The following WSCD2 variants were observed in gnomAD, a reference collection of about 807,000 sequenced individuals.
WSCD2 encodes the protein WSC domain sialate O sulfotransferase 2.
In WSCD2, 28 loss-of-function variants were observed where a neutral mutation model predicts 55.7. That is an observed-to-expected ratio of 0.50 (90% CI 0.37 to 0.69). The LOEUF (loss-of-function observed/expected upper bound fraction) is 0.69, where lower values mean the gene tolerates loss of function less well. Among genes scored for constraint, WSCD2 ranks in the 30% least tolerant of loss-of-function variants. The pLI, the probability that WSCD2 is intolerant of heterozygous loss-of-function variation, is 0.00. For synonymous variants in WSCD2, 301 were observed against 301.9 expected, an observed-to-expected ratio of 1.00 and a Z score of 0.03; for missense variants, 616 against 762.1, an observed-to-expected ratio of 0.81 and a Z score of 2.26.
intron 4 of WSCD2, among the ~76,000 whole-genome samples, chr12:108,223,015 T>G (rs1887700603): frequency 6.6e-6 from 1 of 152,244 alleles, no homozygotes. Flanking sequence ...GACTGGAAAC[T>G]CAGGCAGCAG....
chr12:108,232,918 A>C, intron 7 of WSCD2, 23 bp downstream of exon 7: 1 of 1,602,778 alleles, frequency 6.2e-7, no homozygotes. Flanking sequence ...CAGGGAGGGC[A>C]GGGCAAGAGG....
rs374154602 is a variant in WSCD2 at position 108,202,650 on chromosome 12, G to A, written c.383-3639G>A. On this transcript the variant is annotated intron_variant, in intron 2 of 8. Coordinates refer to ENST00000547525, the MANE Select transcript of WSCD2 (RefSeq NM_014653.4). ...TCTCACTTATAAGTGGGAGCTGAGT[G>A]ATGAGAACACATGGACACAAAGAGG... Among the ~76,000 whole-genome samples, 4 of 152,358 alleles carry A rather than the reference G, an allele frequency of 2.6e-5. No homozygotes were observed. In the South Asian group the frequency reaches 8.3e-4, roughly 32 times the overall value.
intron 4 of WSCD2, among the ~76,000 whole-genome samples, chr12:108,221,237 A>AT (rs1887481657): frequency 6.6e-6 from 1 of 152,060 alleles, no homozygotes; most frequent in South Asian, 2.1e-4. Context: ...TTCCCGCCTC[A>AT]TTGCCATAAA....
chr12:108,163,200 T>A (rs1468706181), intron 1 of WSCD2, among the ~76,000 whole-genome samples: 61 of 152,018 alleles, frequency 4.0e-4, no homozygotes, highest in Non-Finnish European at 6.3e-4. Context: ...AAATCCCGTC[T>A]CTACTAAAAA....
intron 1 of WSCD2, among the ~76,000 whole-genome samples, chr12:108,139,736 C>T (rs1876590180): frequency 6.6e-6 from 1 of 152,184 alleles, no homozygotes; most frequent in Non-Finnish European, 1.5e-5. Flanking sequence ...AGTAAATGCT[C>T]AGAACAATAT....
intron 2 of WSCD2, 52 bp downstream of exon 2, chr12:108,196,266 T>G: frequency 2.0e-6 from 3 of 1,524,214 alleles, no homozygotes; most frequent in Non-Finnish European, 2.6e-6. Flanking sequence ...AGGGAGGAGA[T>G]ACTAACAATG....
chr12:108,178,254 A>G (rs1187379954), intron 1 of WSCD2, among the ~76,000 whole-genome samples: 1 of 152,074 alleles, frequency 6.6e-6, no homozygotes, highest in East Asian at 1.9e-4. Context: ...CTCTGGATGT[A>G]TCTGTCCTGA....
At chr12:108,138,760 G>T (rs926362319) in intron 1 of WSCD2, among the ~76,000 whole-genome samples, 1 of 152,220 alleles carries the variant, frequency 6.6e-6, no homozygotes, top group African/African-American at 2.4e-5. Context: ...CCTCTGCCAT[G>T]AATGTTATTT....
chr12:108,163,605 G>A lies in WSCD2; in HGVS notation c.-551-31677G>A, dbSNP rs79919054. Among the ~76,000 whole-genome samples, 814 of 152,210 alleles carry A rather than the reference G, an allele frequency of 5.3e-3. 7 individuals carry two copies. Among genetic ancestry groups the A allele is most frequent in the African/African-American group, 0.019 (783 of 41,524 alleles). On this transcript the variant is annotated intron_variant, in intron 1 of 8. Transcript: ENST00000547525. ...TTCTCCAAGTGGTCCCACTGTCATC[G>A]CAAGGATCTTCATAAGAGGGAGGCA...
intron 2 of WSCD2, among the ~76,000 whole-genome samples, chr12:108,206,000 G>A (rs760418151): frequency 2.6e-5 from 4 of 152,168 alleles, no homozygotes; most frequent in Non-Finnish European, 5.9e-5. Flanking sequence ...TGGTGCTTAG[G>A]GAGTGGCCTT....
Position 108,227,104 on chromosome 12 carries a change from G to A in WSCD2, c.919G>A (p.Glu307Lys). The A allele has an allele frequency of 1.1e-5, 18 of 1,614,216 alleles. No individual in the cohort carries two copies. The highest frequency in any genetic ancestry group is 1.5e-5 in the Non-Finnish European group (18 of 1,180,030). Reference sequence around the variant, plus strand: ...GCTCTGTGCCCAGAAGTGCAGCGCGGAGGAGTTTGAGAGCTGCGGGACTCC... The same window carrying A: ...GCTCTGTGCCCAGAAGTGCAGCGCGAAGGAGTTTGAGAGCTGCGGGACTCC... The part of the protein sequence containing the change: ...EQLCAQKCSA[E>K]EFESCGTPSY... The change falls in exon 6 of 9, where the codon GAG (glutamate) becomes AAG (lysine). Residue 307 changes from glutamate to lysine, a missense_variant. Glu to Lys is a moderately conservative substitution (Grantham distance 56). Around this residue, in one of 3 missense-constraint regions of WSCD2, gnomAD observed 374 missense variants for 467.4 expected, o/e 0.80. Coordinates refer to ENST00000547525, the MANE Select transcript of WSCD2 (RefSeq NM_014653.4).
At chr12:108,227,764 T>C (rs1274692585) in intron 6 of WSCD2, among the ~76,000 whole-genome samples, 1 of 152,076 alleles carries the variant, frequency 6.6e-6, no homozygotes, top group Admixed American at 6.5e-5. Context: ...GTGATGATTA[T>C]GATGATGGTG....
Position 108,248,014 on chromosome 12 carries a change from T to C in WSCD2, c.1369T>C (p.Tyr457His). The change falls in exon 9 of 9, where the codon TAT becomes CAT. Residue 457 changes from tyrosine (Y) to histidine (H), a missense_variant. Physicochemically the swap from Tyr to His is moderately conservative, Grantham distance 83. Around this residue, in one of 3 missense-constraint regions of WSCD2, gnomAD observed 234 missense variants for 264.6 expected, o/e 0.88. Transcript: ENST00000547525. This position sits in a 1 kb window ranked among gnomAD's most constrained non-coding sequence, Gnocchi z 4.3. ...AGAGTGGCCAGAGTTCGTGAGGAACTATGCCCCGTGGTGGGCCACTCACAC... is the reference window on the plus strand; with the variant it reads ...AGAGTGGCCAGAGTTCGTGAGGAACCATGCCCCGTGGTGGGCCACTCACAC... ...GKEWPEFVRN[Y>H]APWWATHTLD... The C allele has an allele frequency of 1.9e-6, 3 of 1,613,928 alleles. No individual in the cohort carries two copies. The highest frequency in any genetic ancestry group is 2.5e-6 in the Non-Finnish European group (3 of 1,179,826).
At chr12:108,245,516 A>G (rs1412710919) in intron 8 of WSCD2, among the ~76,000 whole-genome samples, 1 of 151,920 alleles carries the variant, frequency 6.6e-6, no homozygotes, top group Non-Finnish European at 1.5e-5. Flanking sequence ...TACCTGAGAG[A>G]CTCCTTCCTT....
chr12:108,149,213 T>C (rs763980791), intron 1 of WSCD2, among the ~76,000 whole-genome samples: 2 of 152,232 alleles, frequency 1.3e-5, no homozygotes, highest in Non-Finnish European at 2.9e-5. Context: ...GAGCAGAGAA[T>C]GGGACTGCGG....
chr12:108,158,022 C>A (rs549436648), intron 1 of WSCD2, among the ~76,000 whole-genome samples: 3 of 152,168 alleles, frequency 2.0e-5, no homozygotes, highest in Admixed American at 6.5e-5. Flanking sequence ...GAGGCTGGTA[C>A]CATGTCAGCC....
In WSCD2 at chr12:108,210,187, G is replaced by A. The variant is rs771030278; in HGVS notation, c.564G>A (p.Thr188=). 9.7e-5 allele frequency: 156 copies of A among 1,613,990 alleles called. No individual in the cohort carries two copies. The highest frequency in any genetic ancestry group is 2.3e-4 in the Admixed American group (14 of 60,008). The change falls in exon 4 of 9, where the codon ACG becomes ACA. Residue 188 remains threonine (T), a synonymous_variant. Transcript: ENST00000547525. This position sits in a 1 kb window ranked among gnomAD's most constrained non-coding sequence, Gnocchi z 4.3. ...ECYCGHKIQA[T]NVSEAECDME... ...ACTGCGGCCACAAGATCCAGGCGAC[G>A]AACGTGAGCGAGGCAGAGTGCGACA...
chr12:108,183,835 C>T (rs2137009259), intron 1 of WSCD2, among the ~76,000 whole-genome samples: 1 of 152,310 alleles, frequency 6.6e-6, no homozygotes, highest in East Asian at 1.9e-4. Flanking sequence ...CTGCCACTCA[C>T]CAGCTCTGCC....
chr12:108,206,631 G>A (rs1227626828), intron 3 of WSCD2, among the ~76,000 whole-genome samples: 1 of 152,222 alleles, frequency 6.6e-6, no homozygotes, highest in African/African-American at 2.4e-5. Context: ...TTGTGCAACT[G>A]TGTCATATTG....
Sources: gnomAD v4.1 joint callset for allele counts (sites outside exome capture counted in the v4.1 genomes callset) on GRCh38, gnomAD v4.1.1 for gene constraint, gnomAD v4.1.1 regional missense constraint, Gnocchi (gnomAD v3.1) non-coding constraint, MANE v1.5 for transcripts, NCBI Gene and HGNC (gene_info 2026-07-23, HGNC 2026-07-21) for gene names.